MRPL14: variants seen among roughly 807,000 people sequenced by gnomAD.
The protein encoded by MRPL14 is large ribosomal subunit protein uL14m.
A neutral mutation model predicts 10.9 loss-of-function variants in MRPL14; 8 were observed. The observed-to-expected ratio is 0.74, with a 90% CI of 0.43 to 1.33. The LOEUF (loss-of-function observed/expected upper bound fraction) is 1.33, where lower values mean the gene tolerates loss of function less well. Among genes scored for constraint, MRPL14 ranks in the 40% most tolerant of loss-of-function variants. MRPL14 has a pLI of 0.01. For synonymous variants in MRPL14, 82 were observed against 74.1 expected (o/e 1.11, Z -0.54); for missense variants, 179 against 194.5 (o/e 0.92, Z 0.47).
At chr6:44,114,462 T>C (rs933309038) in intron 2 of MRPL14, among the ~76,000 whole-genome samples, 3 of 152,200 alleles carry the variant, frequency 2.0e-5, no homozygotes, top group African/African-American at 7.2e-5. Context: ...AGAACCCAAT[T>C]TTTCTGTGAC....
At chr6:44,125,047 T>TG (rs1282582998) in intron 1 of MRPL14, among the ~76,000 whole-genome samples, 2 of 152,238 alleles carry the variant, frequency 1.3e-5, no homozygotes, top group Admixed American at 1.3e-4. Flanking sequence ...CCATGCTCAG[T>TG]GCCCAACCAC....
chr6:44,114,571 T>C (rs1466978243), intron 2 of MRPL14, among the ~76,000 whole-genome samples: 4 of 152,206 alleles, frequency 2.6e-5, no homozygotes, highest in Non-Finnish European at 5.9e-5. Context: ...ACCCACTGCC[T>C]ATCCTGAAAA....
At chr6:44,114,972 TTC>T (rs1284220946) in intron 2 of MRPL14, among the ~76,000 whole-genome samples, 1 of 152,202 alleles carries the variant, frequency 6.6e-6, no homozygotes, top group East Asian at 1.9e-4. Context: ...ACTAAGGGAA[TTC>T]TCTGACACAA....
At chr6:44,121,670 T>A (rs1374067241) in intron 1 of MRPL14, among the ~76,000 whole-genome samples, 1 of 152,262 alleles carries the variant, frequency 6.6e-6, no homozygotes, top group Non-Finnish European at 1.5e-5. Context: ...CTGGGCATAG[T>A]GGCTTACGCC....
At chr6:44,121,760 T>C (rs556800243) in intron 1 of MRPL14, among the ~76,000 whole-genome samples, 2 of 152,246 alleles carry the variant, frequency 1.3e-5, no homozygotes, top group Admixed American at 6.5e-5. Context: ...ACCAACATAG[T>C]GAAACCCCGT....
intron 1 of MRPL14, among the ~76,000 whole-genome samples, chr6:44,119,210 T>A (rs1776165462): frequency 6.6e-6 from 1 of 152,018 alleles, no homozygotes; most frequent in Admixed American, 6.5e-5. Context: ...AACTATTAAA[T>A]CATTCTTGTT....
At chr6:44,116,981 TC>T (rs1217974094) in intron 1 of MRPL14, among the ~76,000 whole-genome samples, 2 of 152,310 alleles carry the variant, frequency 1.3e-5, no homozygotes, top group East Asian at 3.9e-4. Context: ...TCTCGAGTCC[TC>T]CATAGAGGAA....
chr6:44,123,919 TA>T (rs774984441), intron 1 of MRPL14, among the ~76,000 whole-genome samples: 8 of 152,318 alleles, frequency 5.3e-5, no homozygotes, highest in Admixed American at 2.6e-4. Flanking sequence ...AATTCTCAAT[TA>T]TTCAAGATGG....
At chr6:44,119,234 T>G (rs972248477) in intron 1 of MRPL14, among the ~76,000 whole-genome samples, 2 of 151,944 alleles carry the variant, frequency 1.3e-5, no homozygotes. Flanking sequence ...TCAAGAATAC[T>G]GACGTCAGCT....
At chr6:44,117,155 CAGCAA>C (rs1775930688) in intron 1 of MRPL14, among the ~76,000 whole-genome samples, 1 of 152,212 alleles carries the variant, frequency 6.6e-6, no homozygotes, top group East Asian at 1.9e-4. Flanking sequence ...AGCTCAAGGC[CAGCAA>C]AGCAAAGCCA....
At chr6:44,114,870 A>G (rs1461715330) in intron 2 of MRPL14, among the ~76,000 whole-genome samples, 1 of 152,140 alleles carries the variant, frequency 6.6e-6, no homozygotes, top group East Asian at 1.9e-4. Flanking sequence ...CGGCCTCCCA[A>G]AGGGCTGAGA....
chr6:44,119,953 A>G (rs188803939), intron 1 of MRPL14, among the ~76,000 whole-genome samples: 15 of 152,272 alleles, frequency 9.9e-5, no homozygotes, highest in Admixed American at 2.0e-4. Flanking sequence ...GAACACTGAC[A>G]TTAGTCCAAG....
Position 44,116,555 on chromosome 6 carries a change from G to A in MRPL14, c.57C>T (p.Ser19=). ...GGAAAAGTTACCTGAAACAGTGATG[G>A]CTCAGCACTCTGCTTACACAGGTGA... ...GPFTCVSRVL[S]HHCFSTTGSL... is the part of the protein sequence containing the mutation. The change falls in exon 2 of 3, where the codon AGC becomes AGT. Residue 19 remains serine, a synonymous_variant. Transcript: ENST00000372014. The A allele has an allele frequency of 6.2e-7, 1 of 1,614,098 alleles. No individual in the cohort carries two copies. The highest frequency in any genetic ancestry group is 1.1e-5 in the South Asian group (1 of 91,078).
At chr6:44,126,842 G>C (rs1267644597) in intron 1 of MRPL14, 2 of 152,154 alleles carry the variant, frequency 1.3e-5, no homozygotes, top group South Asian at 2.1e-4. Flanking sequence ...TAAGAAACCA[G>C]GGAACCCCCT....
At position 44,115,899 on chromosome 6, in the gene MRPL14, A is replaced by ACAAT. The variant is rs146036789; in HGVS notation, c.71+638_71+641dup. 4.5e-3 allele frequency among the ~76,000 whole-genome samples: 679 copies of ACAAT among 152,364 alleles called. 3 individuals are homozygous for ACAAT. The highest frequency in any genetic ancestry group is 8.7e-3 in the South Asian group (42 of 4,832). The stretch of plus-strand genomic sequence containing the variant: ...TATATGACGCCTTCCAAAGCACTGT[A>ACAAT]CAATCCTCTATTATAATATTCTATC... On this transcript the variant is annotated intron_variant, in intron 2 of 2. Transcript: ENST00000372014.
chr6:44,126,857 T>TG (rs1562104943), intron 1 of MRPL14: 1 of 152,202 alleles, frequency 6.6e-6, no homozygotes, highest in Non-Finnish European at 1.5e-5. Flanking sequence ...CCCCCTGGCC[T>TG]GGGGGAGGGC....
intron 1 of MRPL14, among the ~76,000 whole-genome samples, chr6:44,122,653 A>G (rs1398681232): frequency 1.3e-5 from 2 of 152,236 alleles, no homozygotes; most frequent in South Asian, 2.1e-4. Flanking sequence ...GAGAAAACAA[A>G]AAGTTCAGCA....
intron 1 of MRPL14, among the ~76,000 whole-genome samples, chr6:44,125,534 C>T (rs529106987): frequency 6.6e-6 from 1 of 151,572 alleles, no homozygotes; most frequent in East Asian, 1.9e-4. Context: ...CTCGCGCCTG[C>T]AGTCCCAGCT....
At chr6:44,127,152 T>TCCCCTCCCCGTCGGGGCC (rs1777197500) in intron 1 of MRPL14, 192 bp downstream of exon 1, 1 of 108,802 alleles carries the variant, frequency 9.2e-6, no homozygotes, top group African/African-American at 3.0e-5. Flanking sequence ...GTAAGGGGCC[T>TCCCCTCCCCGTCGGGGCC]CCCCTCCCCG....
Sources: gnomAD v4.1 joint callset for allele counts (sites outside exome capture counted in the v4.1 genomes callset) on GRCh38, gnomAD v4.1.1 for gene constraint, MANE v1.5 for transcripts, NCBI Gene and HGNC (gene_info 2026-07-23, HGNC 2026-07-21) for gene names.